ATP9B: variants seen among roughly 807,000 people sequenced by gnomAD.
ATP9B encodes the protein ATPase phospholipid transporting 9B.
Under a neutral mutation model 146.1 loss-of-function variants are expected in ATP9B, and 110 were observed. The observed-to-expected ratio is 0.75, with a 90% CI of 0.65 to 0.88. The LOEUF is 0.88. Among genes scored for constraint, ATP9B ranks in the 40% least tolerant of loss-of-function variants. The probability of loss-of-function intolerance (pLI) is 0.00; values close to 1 mark genes in which losing one functional copy is unlikely to be tolerated. For missense variants in ATP9B, 1,499 were observed against 1,496.4 expected (o/e 1.00, Z -0.03); for synonymous variants, 604 against 569.7 (o/e 1.06, Z -0.86).
intron 11 of ATP9B, among the ~76,000 whole-genome samples, chr18:79,214,686 G>A (rs2095611526): frequency 6.6e-6 from 1 of 152,150 alleles, no homozygotes; most frequent in Non-Finnish European, 1.5e-5. Flanking sequence ...CTCTTCCTAA[G>A]TATTGATTTT....
At chr18:79,086,562 G>C (rs1253374316) in intron 1 of ATP9B, 1 of 149,500 alleles carries the variant, frequency 6.7e-6, no homozygotes. Flanking sequence ...AGAGTTGATA[G>C]TAGGGAACAT....
chr18:79,371,514 C>T (rs1159914851), intron 26 of ATP9B, among the ~76,000 whole-genome samples: 1 of 152,012 alleles, frequency 6.6e-6, no homozygotes, highest in East Asian at 1.9e-4. Context: ...TAGGAAAACA[C>T]TTAACATATG....
intron 10 of ATP9B, 24 bp from the exon 11 acceptor site, chr18:79,213,938 A>G (rs2095605243): frequency 6.4e-7 from 1 of 1,552,108 alleles, no homozygotes; most frequent in African/African-American, 1.4e-5. Flanking sequence ...TATTTCTACA[A>G]GGACCACTTT....
At chr18:79,080,473 G>A (rs926022477) in intron 1 of ATP9B, among the ~76,000 whole-genome samples, 2 of 152,134 alleles carry the variant, frequency 1.3e-5, no homozygotes, top group Admixed American at 6.5e-5. Context: ...TGTGATTTTT[G>A]CACATTGATT....
At chr18:79,246,691 C>T (rs962065720) in intron 11 of ATP9B, among the ~76,000 whole-genome samples, 1 of 152,216 alleles carries the variant, frequency 6.6e-6, no homozygotes, top group Non-Finnish European at 1.5e-5. Flanking sequence ...CGCGCGCCGG[C>T]CTCGCGCTCC....
chr18:79,318,439 G>T (rs892469102), intron 15 of ATP9B, among the ~76,000 whole-genome samples: 1 of 152,190 alleles, frequency 6.6e-6, no homozygotes, highest in East Asian at 1.9e-4. Context: ...AAAACTGAGC[G>T]ATACTTAACA....
intron 6 of ATP9B, 93 bp from the exon 7 acceptor site, chr18:79,154,411 G>A: frequency 1.2e-6 from 1 of 838,300 alleles, no homozygotes; most frequent in Middle Eastern, 3.1e-4. Context: ...TATTATCTTA[G>A]TTGTTTTCAT....
intron 3 of ATP9B, 92 bp from the exon 4 acceptor site, chr18:79,113,146 TGTG>T: frequency 1.6e-6 from 1 of 623,552 alleles, no homozygotes; most frequent in East Asian, 2.8e-5. Context: ...TTGATGGAAA[TGTG>T]GTTATATGTT....
chr18:79,332,202 GGC>G (rs1220962429), intron 17 of ATP9B, among the ~76,000 whole-genome samples: 25 of 152,182 alleles, frequency 1.6e-4, no homozygotes, highest in South Asian at 4.1e-4. Context: ...GGCCAAGGCG[GGC>G]AGATCACGAG....
chr18:79,213,045 A>G (rs997688672), intron 10 of ATP9B, among the ~76,000 whole-genome samples: 4 of 152,186 alleles, frequency 2.6e-5, no homozygotes, highest in African/African-American at 9.6e-5. Context: ...AATCATCTTT[A>G]CTTCAAAGAG....
At chr18:79,219,178 G>A (rs1454992644) in intron 11 of ATP9B, among the ~76,000 whole-genome samples, 1 of 152,166 alleles carries the variant, frequency 6.6e-6, no homozygotes, top group Non-Finnish European at 1.5e-5. Flanking sequence ...AAAACTGACA[G>A]TACGTTTATT....
At chr18:79,307,266 T>C in intron 15 of ATP9B, 32 bp downstream of exon 15, 4 of 1,613,140 alleles carry the variant, frequency 2.5e-6, no homozygotes, top group Non-Finnish European at 3.4e-6. Flanking sequence ...TGGGAGCTTG[T>C]CCGTTCCATT....
chr18:79,077,036 A>G (rs1300751896), intron 1 of ATP9B, among the ~76,000 whole-genome samples: 1 of 152,102 alleles, frequency 6.6e-6, no homozygotes, highest in Non-Finnish European at 1.5e-5. Flanking sequence ...TCTGTTCATA[A>G]TTGTCCATTG....
intron 4 of ATP9B, among the ~76,000 whole-genome samples, chr18:79,123,882 T>C (rs994347609): frequency 6.6e-6 from 1 of 152,170 alleles, no homozygotes; most frequent in African/African-American, 2.4e-5. Context: ...CCAAAGAAGA[T>C]ATACAAATGG....
chr18:79,195,147 A>C (rs183055518), intron 9 of ATP9B, among the ~76,000 whole-genome samples: 58 of 152,326 alleles, frequency 3.8e-4, no homozygotes, highest in African/African-American at 1.3e-3. Flanking sequence ...ATAGAACTTC[A>C]TTGTGCCTGT....
Position 79,377,323 on chromosome 18 carries a change from T to G in ATP9B, c.3384T>G (p.Tyr1128Ter). Residue 1128 changes from tyrosine to a stop codon, truncating the protein, a stop_gained, in exon 30 of 30, where the codon TAT becomes TAG. Coordinates refer to ENST00000426216, the MANE Select transcript of ATP9B (RefSeq NM_198531.5). LOFTEE classifies it high-confidence loss of function. ...AITVVSCLPL[Y>*]VLKYLRRKLS... ...CCGTGGTCAGCTGCCTCCCGCTGTA[T>G]GTCCTCAAGTACCTGAGGCGCAAGC... The G allele has an allele frequency of 1.2e-6, 2 of 1,612,242 alleles. No homozygotes were observed. The highest frequency in any genetic ancestry group is 1.7e-6 in the Non-Finnish European group (2 of 1,180,034).
intron 7 of ATP9B, among the ~76,000 whole-genome samples, chr18:79,169,861 T>C (rs1405208757): frequency 1.3e-5 from 2 of 152,204 alleles, no homozygotes; most frequent in South Asian, 2.1e-4. Flanking sequence ...GGCTGTCACC[T>C]CTAAGCAGTG....
chr18:79,159,203 A>G (rs906960054), intron 7 of ATP9B, among the ~76,000 whole-genome samples: 2 of 152,168 alleles, frequency 1.3e-5, no homozygotes, highest in Admixed American at 6.5e-5. Flanking sequence ...CATTCTGTCA[A>G]TCTGCTTGTT....
chr18:79,331,024 C>G (rs1329798892), intron 17 of ATP9B, among the ~76,000 whole-genome samples: 3 of 152,166 alleles, frequency 2.0e-5, no homozygotes, highest in African/African-American at 7.2e-5. Flanking sequence ...ATTAAATTCT[C>G]CTGAAGTAAA....
Sources: allele counts gnomAD v4.1 joint callset (sites outside exome capture counted in the v4.1 genomes callset), GRCh38; gene constraint gnomAD v4.1.1; transcripts MANE v1.5; gene names NCBI Gene and HGNC (gene_info 2026-07-23, HGNC 2026-07-21).